TXNDC8: variants seen among roughly 807,000 people sequenced by gnomAD.
TXNDC8 encodes thioredoxin domain-containing protein 8.
Under a neutral mutation model 12.9 loss-of-function variants are expected in TXNDC8, and 15 were observed. The observed-to-expected ratio is 1.16, with a 90% CI of 0.78 to 1.79. The LOEUF (loss-of-function observed/expected upper bound fraction) is 1.79. TXNDC8 is among the 40% of genes most tolerant of loss of function. TXNDC8 has a pLI of 0.00. For missense variants in TXNDC8, 128 were observed against 113.2 expected (o/e 1.13, Z -0.59); for synonymous variants, 40 against 35.4 (o/e 1.13, Z -0.46).
intron 2 of TXNDC8, among the ~76,000 whole-genome samples, chr9:110,326,940 G>GCACACACACACACACACACACA (rs377527245): frequency 4.9e-5 from 7 of 143,028 alleles, no homozygotes; most frequent in African/African-American, 1.0e-4. Context: ...TGCTACTCAT[G>GCACACACACACACACACACACA]CACACACACA....
At chr9:110,313,832 C>T (rs1332258001) in intron 3 of TXNDC8, among the ~76,000 whole-genome samples, 1 of 152,116 alleles carries the variant, frequency 6.6e-6, no homozygotes, top group Non-Finnish European at 1.5e-5. Flanking sequence ...GGATGTGAGG[C>T]TTCACAAGCT....
chr9:110,324,672 T>A (rs1352011821), intron 3 of TXNDC8, among the ~76,000 whole-genome samples: 1 of 152,262 alleles, frequency 6.6e-6, no homozygotes, highest in Non-Finnish European at 1.5e-5. Flanking sequence ...CTGTTTTTTT[T>A]TCCTTGAGGT....
intron 3 of TXNDC8, 47 bp from the exon 5 acceptor site, chr9:110,304,579 T>C: frequency 6.4e-7 from 1 of 1,551,370 alleles, no homozygotes; most frequent in Non-Finnish European, 8.8e-7. Context: ...TTGCCTGGTT[T>C]GTAACCATCT....
chr9:110,303,600 A>C lies in TXNDC8; in HGVS notation c.*82T>G, dbSNP rs747713669. On this transcript the variant is annotated 3_prime_UTR_variant, in exon 5 of 5. Transcript: ENST00000423740. ...CTCAAAAATCTGTTCACAAATGCAC[A>C]AAGGTGAAACATTTATTGATTCAAG... is the stretch of plus-strand genomic sequence containing the variant. 2.8e-5 allele frequency: 44 copies of C among 1,560,340 alleles called. No homozygotes were observed. In the Admixed American group the frequency reaches 8.0e-4, roughly 28 times the overall value.
At chr9:110,311,521 G>GTATATATATATATATA (rs66474968) in intron 3 of TXNDC8, among the ~76,000 whole-genome samples, 3 of 41,220 alleles carry the variant, frequency 7.3e-5, no homozygotes, top group Non-Finnish European at 1.9e-4. Flanking sequence ...AAATAAAGAG[G>GTATATATATATATATA]TATATATATA....
intron 1 of TXNDC8, among the ~76,000 whole-genome samples, chr9:110,337,354 G>A (rs1261648720): frequency 6.6e-6 from 1 of 152,206 alleles, no homozygotes; most frequent in Non-Finnish European, 1.5e-5. Flanking sequence ...ACATTGGGCT[G>A]TTCCCAATTT....
intron 3 of TXNDC8, among the ~76,000 whole-genome samples, chr9:110,319,681 G>C (rs1839018602): frequency 6.6e-6 from 1 of 152,224 alleles, no homozygotes; most frequent in Admixed American, 6.5e-5. Flanking sequence ...ACAGAGAGAA[G>C]TTGGGAACGT....
chr9:110,330,553 A>G (rs1181474754), intron 2 of TXNDC8, among the ~76,000 whole-genome samples: 2 of 152,166 alleles, frequency 1.3e-5, no homozygotes, highest in East Asian at 3.8e-4. Context: ...CACATCATAC[A>G]ATTTCTCAAC....
At chr9:110,311,520 G>GTTAT in intron 3 of TXNDC8, among the ~76,000 whole-genome samples, 1 of 16,536 alleles carries the variant, frequency 6.0e-5, no homozygotes, top group Non-Finnish European at 1.2e-4. Context: ...AAAATAAAGA[G>GTTAT]GTATATATAT....
chr9:110,326,940 GCACACACACA>G (rs377527245), intron 2 of TXNDC8, among the ~76,000 whole-genome samples: 17 of 142,922 alleles, frequency 1.2e-4, no homozygotes, highest in Admixed American at 7.0e-4. Flanking sequence ...TGCTACTCAT[GCACACACACA>G]CACACACACA....
rs113523300 is a variant in TXNDC8 at position 110,315,504 on chromosome 9, A to G, written c.195+10671T>C. 6.3e-3 allele frequency among the ~76,000 whole-genome samples: 958 copies of G among 152,214 alleles called. 11 individuals are homozygous for G. The highest frequency in any genetic ancestry group is 0.022 in the African/African-American group (908 of 41,514). On this transcript the variant is annotated intron_variant, in intron 3 of 4. Coordinates refer to ENST00000423740, the MANE Select transcript of TXNDC8 (RefSeq NM_001286946.2). ...GGAGACAGCGGTCCCCTCCTCACAA[A>G]TGGACTTCCAAGAGTACCAATTAGA... is the stretch of plus-strand genomic sequence containing the variant.
At chr9:110,325,813 C>T (rs562766468) in intron 3 of TXNDC8, among the ~76,000 whole-genome samples, 1 of 152,232 alleles carries the variant, frequency 6.6e-6, no homozygotes, top group African/African-American at 2.4e-5. Context: ...GCCACCGCGC[C>T]CGGCCTGCAA....
chr9:110,329,231 C>G lies in TXNDC8; in HGVS notation c.130-2991G>C, dbSNP rs1839457324. Reference sequence around the variant, plus strand: ...GTGCACAGAAGATTTAAGATTCTTACCGGAGAATTGTTCACATCCACATTA... The same window carrying G: ...GTGCACAGAAGATTTAAGATTCTTAGCGGAGAATTGTTCACATCCACATTA... On this transcript the variant is annotated intron_variant, in intron 2 of 4. Coordinates refer to ENST00000423740, the MANE Select transcript of TXNDC8 (RefSeq NM_001286946.2). The G allele has an allele frequency of 6.2e-7, 1 of 1,611,756 alleles. No individual in the cohort carries two copies. The highest frequency in any genetic ancestry group is 2.2e-5 in the East Asian group (1 of 44,808).
At chr9:110,323,388 A>C in intron 3 of TXNDC8, 327 of 945,846 alleles carry the variant, frequency 3.5e-4, no homozygotes, top group Non-Finnish European at 3.7e-4. Flanking sequence ...ATAGAAGCTC[A>C]TTAGTTAATG....
intron 1 of TXNDC8, among the ~76,000 whole-genome samples, chr9:110,337,566 C>T (rs1839805976): frequency 6.6e-6 from 1 of 152,166 alleles, no homozygotes. Context: ...GGAAGAAAGC[C>T]CTTCTTTATC....
chr9:110,306,455 G>C (rs35580562), intron 3 of TXNDC8, among the ~76,000 whole-genome samples: 1 of 152,092 alleles, frequency 6.6e-6, no homozygotes, highest in African/African-American at 2.4e-5. Context: ...ATCCTTGTTT[G>C]TAAACATCTT....
intron 3 of TXNDC8, among the ~76,000 whole-genome samples, chr9:110,325,484 TC>T (rs1839272048): frequency 6.6e-6 from 1 of 151,852 alleles, no homozygotes; most frequent in East Asian, 1.9e-4. Flanking sequence ...GGTTAGCATT[TC>T]CTCAAGTATT....
intron 2 of TXNDC8, among the ~76,000 whole-genome samples, chr9:110,327,707 A>G (rs1334286205): frequency 1.2e-4 from 19 of 152,208 alleles, no homozygotes; most frequent in Admixed American, 1.2e-3. Context: ...CACATATTCT[A>G]TGATTCCCTT....
chr9:110,318,307 G>C (rs1026607123), intron 3 of TXNDC8, among the ~76,000 whole-genome samples: 8 of 152,156 alleles, frequency 5.3e-5, no homozygotes, highest in African/African-American at 1.9e-4. Flanking sequence ...ATTCTTTGCT[G>C]TACTAAATCT....
Sources: gnomAD v4.1 joint callset for allele counts (sites outside exome capture counted in the v4.1 genomes callset) on GRCh38, gnomAD v4.1.1 for gene constraint, MANE v1.5 for transcripts, NCBI Gene and HGNC (gene_info 2026-07-23, HGNC 2026-07-21) for gene names.